The following TSKS variants were observed in gnomAD, a reference collection of about 807,000 sequenced individuals.
TSKS encodes the protein testis specific serine kinase substrate, also known as testis-specific serine kinase substrate.
Under a neutral mutation model 68.0 loss-of-function variants are expected in TSKS, and 27 were observed. The ratio of observed to expected loss-of-function variants is 0.40; its 90% confidence interval spans 0.29 to 0.55. The LOEUF is 0.55. Ranked by LOEUF, TSKS falls within the 20% of genes least tolerant of loss-of-function variation. TSKS has a pLI of 0.53. For synonymous variants in TSKS, 331 were observed against 340.4 expected, an observed-to-expected ratio of 0.97 and a Z score of 0.30; for missense variants, 806 against 776.0, an observed-to-expected ratio of 1.04 and a Z score of -0.46.
At chr19:49,760,916 CTG>C (rs2084435037) in intron 2 of TSKS, among the ~76,000 whole-genome samples, 1 of 152,028 alleles carries the variant, frequency 6.6e-6, no homozygotes, top group African/African-American at 2.4e-5. Flanking sequence ...TGGAGAAACC[CTG>C]TTTCTACTAA....
intron 2 of TSKS, among the ~76,000 whole-genome samples, chr19:49,753,333 C>T (rs560935031): frequency 3.3e-5 from 5 of 152,020 alleles, no homozygotes; most frequent in South Asian, 4.2e-4. Context: ...GAGGCCGAGG[C>T]GGGTGGATCA....
intron 6 of TSKS, among the ~76,000 whole-genome samples, chr19:49,746,149 C>G (rs2084297146): frequency 6.6e-6 from 1 of 152,174 alleles, no homozygotes; most frequent in Admixed American, 6.5e-5. Flanking sequence ...CGCCACTGCA[C>G]TCCAGCCTGG....
rs79485806 is a variant in TSKS at position 49,739,914 on chromosome 19, C to T, written c.1641G>A (p.Leu547=). ...KMKPEEKMAT[L]DHLHLKMCSL... ...AGCACATCTTCAAGTGTAGATGGTC[C>T]AGAGTGGCCATCTTCTCCCTGTCAT... The change falls in exon 11 of 11, where the codon CTG becomes CTA. Residue 547 remains leucine (L), a synonymous_variant. Coordinates refer to ENST00000246801, the MANE Select transcript of TSKS (RefSeq NM_021733.2). 29,805 of 1,612,168 alleles carry T rather than the reference C, an allele frequency of 0.018. 331 individuals are homozygous for T. Among genetic ancestry groups the T allele is most frequent in the Non-Finnish European group, 0.022 (25,791 of 1,178,720 alleles).
chr19:49,740,187 G>C lies in TSKS; in HGVS notation c.1498-4C>G. ...CTAAGGCCTGGCGCTCCAGCTCCTGGGGAGAGGAGCGTAGGCGTAGCTGGG... is the reference window on the plus strand; with the variant it reads ...CTAAGGCCTGGCGCTCCAGCTCCTGCGGAGAGGAGCGTAGGCGTAGCTGGG... On this transcript the variant is annotated splice_region_variant and splice_polypyrimidine_tract_variant and intron_variant, in intron 9 of 10. Coordinates refer to ENST00000246801, the MANE Select transcript of TSKS (RefSeq NM_021733.2). 1 of 1,610,686 alleles carries C rather than the reference G, an allele frequency of 6.2e-7. No individual in the cohort carries two copies. The highest frequency in any genetic ancestry group is 1.1e-5 in the South Asian group (1 of 90,936).
chr19:49,747,346 T>C (rs1458733528), intron 5 of TSKS, 43 bp downstream of exon 5: 2 of 1,613,842 alleles, frequency 1.2e-6, no homozygotes, highest in African/African-American at 2.7e-5. Context: ...CTCGTGCATC[T>C]GACCTCCTCC....
At chr19:49,759,443 T>TG (rs2084421601) in intron 2 of TSKS, among the ~76,000 whole-genome samples, 1 of 138,628 alleles carries the variant, frequency 7.2e-6, no homozygotes. Flanking sequence ...CACTGCAGCC[T>TG]GGCAACAGAG....
rs1184299992 is a variant in TSKS at position 49,748,462 on chromosome 19, A to T, written c.407T>A (p.Val136Asp). The T allele has an allele frequency of 6.2e-7, 1 of 1,613,942 alleles. No homozygotes were observed. Among genetic ancestry groups the T allele is most frequent in the Admixed American group, 1.7e-5 (1 of 59,956 alleles). The part of the protein sequence containing the change: ...DADITEILSG[V>D]NSGLVRAKDS... ...TTTGGCGCGGACCAATCCACTGTTG[A>T]CCCCACTCTGGGGAAGAATGGGAGA... The change falls in exon 3 of 11, where the codon GTC (valine) becomes GAC (aspartate). Residue 136 changes from valine (V) to aspartate (D), a missense_variant. Physicochemically the swap from Val to Asp is radical, Grantham distance 152 (BLOSUM62 -3). Coordinates refer to ENST00000246801, the MANE Select transcript of TSKS (RefSeq NM_021733.2).
intron 7 of TSKS, 94 bp from the exon 8 acceptor site, chr19:49,744,498 C>T: frequency 3.7e-6 from 5 of 1,353,824 alleles, no homozygotes; most frequent in Non-Finnish European, 5.1e-6. Flanking sequence ...CTTGCGTCTC[C>T]ATCTGGTCAG....
rs57733064 is a variant in TSKS, at chr19:49,746,648, T to C, written c.814A>G (p.Ser272Gly). Reference protein sequence around the residue: ...QKPEAGLSWNSLGPAATSQGC... With the variant: ...QKPEAGLSWNGLGPAATSQGC... ...TGGGACGTGGCGGCGGGGCCCAGGC[T>C]GTTCCAGGAGAGGCCAGCCTCCGGC... Residue 272 changes from serine to glycine, a missense_variant, in exon 6 of 11, where the codon AGC becomes GGC. Transcript: ENST00000246801. The C allele has an allele frequency of 0.059, 94,768 of 1,608,014 alleles. 3,420 individuals carry two copies. The highest frequency in any genetic ancestry group is 0.15 in the African/African-American group (11,491 of 75,010).
In TSKS at chr19:49,746,592, G is replaced by T; in HGVS notation, c.870C>A (p.Asp290Glu). Residue 290 changes from aspartate (D) to glutamate (E), a missense_variant, in exon 6 of 11, where the codon GAC (aspartate) becomes GAA (glutamate). Asp to Glu is a conservative substitution (Grantham distance 45). Coordinates refer to ENST00000246801, the MANE Select transcript of TSKS (RefSeq NM_021733.2). Reference protein sequence around the residue: ...QGCPGPPGSPDKPSRPHGLVP... With the variant: ...QGCPGPPGSPEKPSRPHGLVP... ...CCAGGCCGTGTGGCCGCGAGGGTTT[G>T]TCGGGACTCCCTGGCGGGCCGGGGC... is the stretch of plus-strand genomic sequence containing the variant. 6.2e-7 allele frequency: 1 copy of T among 1,612,310 alleles called. No individual in the cohort carries two copies. The highest frequency in any genetic ancestry group is 8.5e-7 in the Non-Finnish European group (1 of 1,179,376).
At chr19:49,760,106 G>A (rs556794350) in intron 2 of TSKS, among the ~76,000 whole-genome samples, 3 of 151,758 alleles carry the variant, frequency 2.0e-5, no homozygotes, top group African/African-American at 7.2e-5. Context: ...AGCCAAGATC[G>A]CACCACTGTA....
intron 6 of TSKS, among the ~76,000 whole-genome samples, chr19:49,746,207 C>A (rs1415884179): frequency 1.3e-5 from 2 of 151,886 alleles, no homozygotes; most frequent in Non-Finnish European, 2.9e-5. Context: ...AAACAAAAAA[C>A]GATCTTTGAG....
rs1279902477 is a variant in TSKS, at chr19:49,762,151, C to T, written c.252G>A (p.Leu84=). ...KRSSACTNVS[L]LNLAAMEPTD... ...TGGGCTCCATGGCGGCCAGGTTGAGCAGTGACACGTTGGTGCAGGCCGAGG... is the reference window on the plus strand; with the variant it reads ...TGGGCTCCATGGCGGCCAGGTTGAGTAGTGACACGTTGGTGCAGGCCGAGG... The change falls in exon 2 of 11, where the codon CTG becomes CTA. Residue 84 remains leucine (L), a synonymous_variant. Transcript: ENST00000246801. The T allele has an allele frequency of 3.1e-6, 5 of 1,614,024 alleles. No homozygotes were observed. The East Asian group carries it at 1.1e-4, about 36-fold the overall frequency.
intron 2 of TSKS, among the ~76,000 whole-genome samples, chr19:49,757,694 G>T (rs1324093289): frequency 6.6e-6 from 1 of 151,984 alleles, no homozygotes; most frequent in African/African-American, 2.4e-5. Flanking sequence ...TCACCGCCTG[G>T]TTCTCTGTCC....
chr19:49,753,238 C>T (rs2084365012), intron 2 of TSKS, among the ~76,000 whole-genome samples: 1 of 152,084 alleles, frequency 6.6e-6, no homozygotes, highest in Non-Finnish European at 1.5e-5. Flanking sequence ...CCAGCCTGAG[C>T]AACATAGTAA....
Position 49,745,277 on chromosome 19 carries a change from C to G in TSKS, c.1112G>C (p.Arg371Pro), listed in dbSNP as rs764953018. 2.9e-5 allele frequency: 46 copies of G among 1,607,426 alleles called. No homozygotes were observed. Among genetic ancestry groups the G allele is most frequent in the Non-Finnish European group, 3.8e-5 (45 of 1,179,694 alleles). The change falls in exon 7 of 11, where the codon CGG becomes CCG. Residue 371 changes from arginine to proline, a missense_variant. Coordinates refer to ENST00000246801, the MANE Select transcript of TSKS (RefSeq NM_021733.2). ...RVDGFLGQWE[R>P]AQREQAQTAR... ...CGTCTGTGCCTGTTCGCGCTGTGCC[C>G]GCTCCCACTGGCCTAGGAAGCCGTC...
Position 49,746,631 on chromosome 19 carries a change from G to A in TSKS, c.831C>T (p.Ala277=). The change falls in exon 6 of 11, where the codon GCC becomes GCT. Residue 277 remains alanine (A), a synonymous_variant. Transcript: ENST00000246801. ...GCGGGCCGGGGCAGCCCTGGGACGTGGCGGCGGGGCCCAGGCTGTTCCAGG... is the reference window on the plus strand; with the variant it reads ...GCGGGCCGGGGCAGCCCTGGGACGTAGCGGCGGGGCCCAGGCTGTTCCAGG... ...GLSWNSLGPA[A]TSQGCPGPPG... is the part of the protein sequence containing the mutation. The A allele has an allele frequency of 6.2e-7, 1 of 1,609,780 alleles. No homozygotes were observed. Among genetic ancestry groups the A allele is most frequent in the African/African-American group, 1.3e-5 (1 of 75,050 alleles).
At chr19:49,744,879 C>T (rs1240895724) in intron 7 of TSKS, among the ~76,000 whole-genome samples, 1 of 152,138 alleles carries the variant, frequency 6.6e-6, no homozygotes, top group Non-Finnish European at 1.5e-5. Context: ...TGTGAGCCAC[C>T]TCACTGGGCC....
At chr19:49,740,792 G>A (rs1163666184) in intron 9 of TSKS, among the ~76,000 whole-genome samples, 1 of 151,984 alleles carries the variant, frequency 6.6e-6, no homozygotes, top group Non-Finnish European at 1.5e-5. Context: ...GCTGAGACAC[G>A]AGAATCGTTT....
Sources: gnomAD v4.1 joint callset for allele counts (sites outside exome capture counted in the v4.1 genomes callset) on GRCh38, gnomAD v4.1.1 for gene constraint, MANE v1.5 for transcripts, NCBI Gene and HGNC (gene_info 2026-07-23, HGNC 2026-07-21) for gene names.